The following CHRDL1 variants were observed in gnomAD, a reference collection of about 807,000 sequenced individuals.
CHRDL1 encodes the protein chordin-like protein 1.
A neutral mutation model predicts 40.9 loss-of-function variants in CHRDL1; 19 were observed. The observed-to-expected ratio is 0.46, with a 90% confidence interval of 0.32 to 0.68. The LOEUF (loss-of-function observed/expected upper bound fraction) is 0.68. Ranked by LOEUF, CHRDL1 falls within the 30% of genes least tolerant of loss-of-function variation. The pLI is 0.03. For synonymous variants in CHRDL1, 136 were observed against 123.4 expected (o/e 1.10, Z -0.68); for missense variants, 329 against 352.1 (o/e 0.93, Z 0.53).
intron 4 of CHRDL1, among the ~76,000 whole-genome samples, chrX:110,730,782 T>C (rs2071145288): frequency 9.0e-6 from 1 of 111,434 alleles, no homozygotes; most frequent in Non-Finnish European, 1.9e-5. Context: ...TGTCCTCTCC[T>C]GCAACATGTT....
Position 110,694,182 on chromosome X carries a change from G to A in CHRDL1, c.759C>T (p.Asn253=). ...SGTIVQIVIN[N]KHKHGQVCVS... is the part of the protein sequence containing the mutation. ...CCTTACCTTGTCCATGCTTGTGTTTGTTATTGATGACAATTTGCACAATGG... is the reference window on the plus strand; with the variant it reads ...CCTTACCTTGTCCATGCTTGTGTTTATTATTGATGACAATTTGCACAATGG... The change falls in exon 8 of 12, where the codon AAC becomes AAT. Residue 253 remains asparagine (N), a synonymous_variant. Transcript: ENST00000372042. The A allele has an allele frequency of 1.7e-6, 2 of 1,209,267 alleles. No homozygotes were observed. The highest frequency in any genetic ancestry group is 2.2e-6 in the Non-Finnish European group (2 of 893,448).
chrX:110,769,037 T>C (rs535957060), intron 2 of CHRDL1, among the ~76,000 whole-genome samples: 3 of 112,021 alleles, frequency 2.7e-5, no homozygotes, highest in Non-Finnish European at 3.8e-5. Flanking sequence ...GCACATACCA[T>C]GTTAACTGCC....
intron 4 of CHRDL1, among the ~76,000 whole-genome samples, chrX:110,727,040 G>A (rs2071070390): frequency 8.9e-6 from 1 of 111,862 alleles, no homozygotes; most frequent in Non-Finnish European, 1.9e-5. Flanking sequence ...TTTCATTGGA[G>A]GGGAAGGCAC....
chrX:110,723,613 A>G (rs2071003728), intron 4 of CHRDL1, among the ~76,000 whole-genome samples: 1 of 111,452 alleles, frequency 9.0e-6, no homozygotes, highest in Non-Finnish European at 1.9e-5. Flanking sequence ...ACCACTATCA[A>G]AAAAAGTGCC....
intron 2 of CHRDL1, among the ~76,000 whole-genome samples, chrX:110,784,330 G>A (rs1399344362): frequency 8.9e-6 from 1 of 112,169 alleles, no homozygotes; most frequent in African/African-American, 3.2e-5. Flanking sequence ...AACATTCTCC[G>A]TCCTGTGTAT....
intron 6 of CHRDL1, among the ~76,000 whole-genome samples, chrX:110,704,117 T>G (rs999000259): frequency 9.0e-6 from 1 of 111,098 alleles, no homozygotes; most frequent in Admixed American, 9.6e-5. Flanking sequence ...TTAAAATAAC[T>G]TAAAGAGTGT....
intron 1 of CHRDL1, among the ~76,000 whole-genome samples, chrX:110,794,696 C>T (rs971002164): frequency 8.9e-6 from 1 of 112,299 alleles, no homozygotes; most frequent in Non-Finnish European, 1.9e-5. Flanking sequence ...GAACAGGTCT[C>T]CTGGGTAGAA....
intron 4 of CHRDL1, among the ~76,000 whole-genome samples, chrX:110,751,119 C>T (rs762166071): frequency 1.6e-4 from 18 of 111,428 alleles, no homozygotes; most frequent in Non-Finnish European, 1.9e-5. Context: ...ACACCCACTG[C>T]AGCCTAAATG....
intron 5 of CHRDL1, 32 bp from the exon 6 acceptor site, chrX:110,719,960 G>T (rs745337098): frequency 4.0e-6 from 4 of 993,110 alleles, no homozygotes; most frequent in Admixed American, 2.2e-5. Flanking sequence ...AAGATTAGAA[G>T]CATCTAGGAT....
chrX:110,727,898 G>C (rs947430168), intron 4 of CHRDL1, among the ~76,000 whole-genome samples: 11 of 111,568 alleles, frequency 9.9e-5, no homozygotes, highest in Non-Finnish European at 1.9e-4. Context: ...TTGCAGCATT[G>C]TTTGTAATGG....
chrX:110,734,686 T>G (rs2071232067), intron 4 of CHRDL1, among the ~76,000 whole-genome samples: 1 of 111,866 alleles, frequency 8.9e-6, no homozygotes, highest in South Asian at 3.8e-4. Context: ...TAAAATCCAG[T>G]CTAATAATTG....
chrX:110,682,237 A>G (rs919013158), intron 9 of CHRDL1, among the ~76,000 whole-genome samples: 2 of 112,564 alleles, frequency 1.8e-5, no homozygotes, highest in Non-Finnish European at 3.8e-5. Flanking sequence ...TGTAAGGGGA[A>G]CAATAATACC....
At chrX:110,712,814 T>C (rs1370303917) in intron 6 of CHRDL1, among the ~76,000 whole-genome samples, 1 of 111,870 alleles carries the variant, frequency 8.9e-6, no homozygotes, top group Non-Finnish European at 1.9e-5. Flanking sequence ...TGAGCTATAA[T>C]TGTGCCAGTG....
intron 2 of CHRDL1, among the ~76,000 whole-genome samples, chrX:110,768,991 G>T (rs942143318): frequency 9.0e-6 from 1 of 111,462 alleles, no homozygotes; most frequent in African/African-American, 3.3e-5. Context: ...AGAAATTTTG[G>T]TAGCCACAGC....
At chrX:110,754,360 A>G (rs2089413954) in intron 4 of CHRDL1, among the ~76,000 whole-genome samples, 1 of 112,465 alleles carries the variant, frequency 8.9e-6, no homozygotes, top group Non-Finnish European at 1.9e-5. Context: ...AAAGTTGCCT[A>G]AGTTTTGAGT....
intron 6 of CHRDL1, among the ~76,000 whole-genome samples, chrX:110,703,651 C>CA (rs2070562127): frequency 9.0e-6 from 1 of 111,547 alleles, no homozygotes; most frequent in Admixed American, 9.6e-5. Flanking sequence ...TAAAAACACA[C>CA]AAAAAAAGCA....
intron 11 of CHRDL1, 53 bp downstream of exon 11, chrX:110,679,283 A>G: frequency 1.1e-6 from 1 of 879,253 alleles, no homozygotes; most frequent in Non-Finnish European, 1.7e-6. Flanking sequence ...GGCTATGCTA[A>G]ATTGAAAACT....
chrX:110,728,192 G>T (rs1460308994), intron 4 of CHRDL1, among the ~76,000 whole-genome samples: 2 of 109,726 alleles, frequency 1.8e-5, no homozygotes, highest in Admixed American at 9.7e-5. Flanking sequence ...TAAAAGTTAT[G>T]GGGGGGAACT....
intron 6 of CHRDL1, among the ~76,000 whole-genome samples, chrX:110,719,550 A>C: frequency 9.0e-6 from 1 of 110,755 alleles, no homozygotes; most frequent in Non-Finnish European, 1.9e-5. Context: ...GAAGGGATTA[A>C]GGATGGAGAA....
Sources: gnomAD v4.1 joint callset for allele counts (sites outside exome capture counted in the v4.1 genomes callset) on GRCh38, gnomAD v4.1.1 for gene constraint, MANE v1.5 for transcripts, NCBI Gene and HGNC (gene_info 2026-07-23, HGNC 2026-07-21) for gene names.